PATJ: variants seen among roughly 807,000 people sequenced by gnomAD.
PATJ encodes the protein PATJ crumbs cell polarity complex component, also known as inaD-like protein.
A neutral mutation model predicts 224.9 loss-of-function variants in PATJ; 190 were observed. That is an observed-to-expected ratio of 0.84 (90% CI 0.75 to 0.95). PATJ has a LOEUF of 0.95. PATJ is among the 40% of genes least tolerant of loss of function. The pLI is 0.00. For missense variants in PATJ, 2,121 were observed against 2,270.3 expected (o/e 0.93, Z 1.34); for synonymous variants, 769 against 820.3 (o/e 0.94, Z 1.07).
intron 22 of PATJ, among the ~76,000 whole-genome samples, chr1:61,884,618 G>A (rs1668573621): frequency 6.6e-6 from 1 of 152,192 alleles, no homozygotes; most frequent in South Asian, 2.1e-4. Context: ...TTGCAGTGGT[G>A]CACAAAATGG....
At chr1:61,820,800 T>G (rs1657102808) in intron 14 of PATJ, among the ~76,000 whole-genome samples, 2 of 152,200 alleles carry the variant, frequency 1.3e-5, no homozygotes, top group Admixed American at 1.3e-4. Context: ...CTGGCAACTC[T>G]TTGCCCTGTA....
chr1:61,824,995 A>G (rs1437178307), intron 15 of PATJ, among the ~76,000 whole-genome samples: 1 of 152,152 alleles, frequency 6.6e-6, no homozygotes, highest in Non-Finnish European at 1.5e-5. Flanking sequence ...TAAGGAAGGA[A>G]GCACAGATTT....
chr1:61,955,315 C>A (rs1464289165), intron 27 of PATJ, among the ~76,000 whole-genome samples: 2 of 151,972 alleles, frequency 1.3e-5, no homozygotes, highest in East Asian at 3.9e-4. Context: ...ATGAACTTTG[C>A]CTTCAAGAAG....
chr1:61,742,871 C>T (rs888814438), intron 1 of PATJ, among the ~76,000 whole-genome samples: 10 of 151,418 alleles, frequency 6.6e-5, no homozygotes, highest in Non-Finnish European at 8.9e-5. Context: ...GCAGGGCTCG[C>T]CGAGGCCGCG....
At chr1:62,062,238 A>G (rs1655593452) in intron 31 of PATJ, among the ~76,000 whole-genome samples, 1 of 151,744 alleles carries the variant, frequency 6.6e-6, no homozygotes, top group East Asian at 1.9e-4. Flanking sequence ...TTTTGTCTCC[A>G]TAGCCTCACT....
chr1:62,051,590 G>A (rs562854656), intron 31 of PATJ, among the ~76,000 whole-genome samples: 6 of 152,300 alleles, frequency 3.9e-5, no homozygotes, highest in African/African-American at 1.4e-4. Flanking sequence ...GCCTCCCAAA[G>A]TGCTGGGTTT....
chr1:61,805,026 C>T (rs1214091696), intron 12 of PATJ, among the ~76,000 whole-genome samples: 2 of 152,126 alleles, frequency 1.3e-5, no homozygotes, highest in African/African-American at 4.8e-5. Flanking sequence ...TTCTAGTGGG[C>T]AGCTGGAATG....
At chr1:61,972,129 A>G (rs1683061126) in intron 27 of PATJ, among the ~76,000 whole-genome samples, 1 of 152,038 alleles carries the variant, frequency 6.6e-6, no homozygotes, top group Non-Finnish European at 1.5e-5. Context: ...CTAATAAGCT[A>G]TATGTGGGAC....
chr1:62,013,971 G>A (rs1233502742), intron 28 of PATJ, among the ~76,000 whole-genome samples: 1 of 152,002 alleles, frequency 6.6e-6, no homozygotes, highest in African/African-American at 2.4e-5. Flanking sequence ...ACAGGGTTTC[G>A]CCATGTTGGC....
intron 17 of PATJ, among the ~76,000 whole-genome samples, chr1:61,841,711 T>C (rs1050747938): frequency 2.0e-5 from 3 of 151,928 alleles, no homozygotes; most frequent in African/African-American, 7.3e-5. Flanking sequence ...CTTGCAGATA[T>C]ATCATATGCC....
intron 27 of PATJ, among the ~76,000 whole-genome samples, chr1:61,983,631 A>G (rs368810894): frequency 6.6e-5 from 10 of 152,080 alleles, no homozygotes; most frequent in Non-Finnish European, 1.0e-4. Flanking sequence ...GCAATTGAAG[A>G]GGATCTTCAA....
chr1:61,828,440 A>C (rs1658704179), intron 16 of PATJ, among the ~76,000 whole-genome samples: 1 of 149,702 alleles, frequency 6.7e-6, no homozygotes, highest in Admixed American at 6.7e-5. Flanking sequence ...CCCAGGCTGG[A>C]GCACAGTGTT....
chr1:62,007,825 A>G (rs1383530483), intron 28 of PATJ, among the ~76,000 whole-genome samples: 2 of 152,210 alleles, frequency 1.3e-5, no homozygotes, highest in African/African-American at 2.4e-5. Flanking sequence ...AATTTCCTCT[A>G]TGAGGGCTCC....
At chr1:61,908,524 T>C in intron 25 of PATJ, 42 bp downstream of exon 25, 1 of 1,231,730 alleles carries the variant, frequency 8.1e-7, no homozygotes, top group Non-Finnish European at 1.2e-6. Flanking sequence ...AACAACACTC[T>C]GTATACCTGC....
chr1:61,935,790 GA>G (rs57862972), intron 27 of PATJ, among the ~76,000 whole-genome samples: 1,805 of 143,526 alleles, frequency 0.013, 14 homozygotes, highest in Middle Eastern at 0.018. Flanking sequence ...GACCCTGTCT[GA>G]AAAAAAAAAA....
intron 22 of PATJ, among the ~76,000 whole-genome samples, chr1:61,891,242 G>A (rs557072909): frequency 1.3e-5 from 2 of 152,244 alleles, no homozygotes; most frequent in East Asian, 1.9e-4. Flanking sequence ...AGAAATAGGA[G>A]GCTAGGTGTC....
chr1:61,794,142 T>A (rs1650517807), intron 9 of PATJ, among the ~76,000 whole-genome samples: 1 of 152,094 alleles, frequency 6.6e-6, no homozygotes, highest in Non-Finnish European at 1.5e-5. Context: ...CCTCAAGTGA[T>A]CTGTCCGCCT....
intron 21 of PATJ, among the ~76,000 whole-genome samples, chr1:61,880,104 G>A (rs575368475): frequency 5.4e-4 from 82 of 152,196 alleles, no homozygotes; most frequent in African/African-American, 1.9e-3. Flanking sequence ...GATTGCAGGC[G>A]TGAGCCACCA....
chr1:61,863,490 C>A (rs2148951119), intron 19 of PATJ, among the ~76,000 whole-genome samples: 1 of 152,266 alleles, frequency 6.6e-6, no homozygotes, highest in Non-Finnish European at 1.5e-5. Flanking sequence ...AAGAAGAGGA[C>A]CTCATTATGC....
Sources: allele counts gnomAD v4.1 joint callset (sites outside exome capture counted in the v4.1 genomes callset), GRCh38; gene constraint gnomAD v4.1.1; transcripts MANE v1.5; gene names NCBI Gene and HGNC (gene_info 2026-07-23, HGNC 2026-07-21).